The following MYO16 variants were observed in gnomAD, a reference collection of about 807,000 sequenced individuals.
MYO16 encodes unconventional myosin-XVI.
A neutral mutation model predicts 205.3 loss-of-function variants in MYO16; 94 were observed. That is an observed-to-expected ratio of 0.46 (90% CI 0.39 to 0.54). The LOEUF is 0.54. MYO16 is among the 20% of genes least tolerant of loss of function. The pLI, the probability that MYO16 is intolerant of heterozygous loss-of-function variation, is 0.00. For synonymous variants in MYO16, 988 were observed against 954.0 expected (o/e 1.04, Z -0.66); for missense variants, 2,315 against 2,387.5 (o/e 0.97, Z 0.63).
chr13:108,571,900 C>T, the MYO16 span, among the ~76,000 whole-genome samples: 28 of 150,840 alleles, frequency 1.9e-4, 3 homozygotes, highest in South Asian at 4.4e-3. Context: ...CATCAAGTTT[C>T]GTTGTTGTTT....
chr13:108,787,012 C>T (rs1886477772), intron 5 of MYO16, among the ~76,000 whole-genome samples: 1 of 152,194 alleles, frequency 6.6e-6, no homozygotes, highest in Non-Finnish European at 1.5e-5. Context: ...TGGATCCTTG[C>T]CAGACTTCGC....
Position 108,914,683 on chromosome 13 carries a change from C to T in MYO16, c.1925+4533C>T, listed in dbSNP as rs112510407. Among the ~76,000 whole-genome samples the T allele has an allele frequency of 8.6e-3, 1,305 of 152,242 alleles. 16 individuals carry two copies. The highest frequency in any genetic ancestry group is 0.03 in the African/African-American group (1,236 of 41,536). On this transcript the variant is annotated intron_variant, in intron 16 of 34. Coordinates refer to ENST00000457511, the MANE Select transcript of MYO16 (RefSeq NM_001198950.3). The stretch of plus-strand genomic sequence containing the variant: ...TTTTTTTCTTTTATTTGCTCTGTCG[C>T]CCAGGCTGGAGTGCAGTGGTGCTAT...
chr13:108,969,364 C>CA (rs1883919977), intron 20 of MYO16, among the ~76,000 whole-genome samples: 1 of 152,178 alleles, frequency 6.6e-6, no homozygotes, highest in South Asian at 2.1e-4. Context: ...ACCCAATGAC[C>CA]ACCGAAGGTA....
At chr13:108,986,713 T>G (rs1884650384) in intron 20 of MYO16, among the ~76,000 whole-genome samples, 1 of 152,036 alleles carries the variant, frequency 6.6e-6, no homozygotes, top group Non-Finnish European at 1.5e-5. Context: ...ATTGATCTGT[T>G]ATTATGTATA....
At chr13:108,523,425 G>T in the MYO16 span, among the ~76,000 whole-genome samples, 1 of 152,170 alleles carries the variant, frequency 6.6e-6, no homozygotes, top group Non-Finnish European at 1.5e-5. Flanking sequence ...CTCCCATGAC[G>T]TTTCTGGCAG....
intron 7 of MYO16, among the ~76,000 whole-genome samples, chr13:108,817,755 C>T (rs74119770): frequency 0.015 from 2,315 of 152,240 alleles, 53 homozygotes; most frequent in African/African-American, 0.053. Context: ...ATTTGACTTC[C>T]GTTGTTTTGA....
Position 108,855,566 on chromosome 13 carries a change from G to A in MYO16, c.1359+13G>A. 2.0e-6 allele frequency: 3 copies of A among 1,508,268 alleles called. No individual in the cohort carries two copies. The highest frequency in any genetic ancestry group is 2.7e-6 in the Non-Finnish European group (3 of 1,098,660). The allele number at this position is 1,508,268 out of a possible 1,614,324, so 93.4% of individuals were successfully genotyped here. ...CAATCAGATCTATGTGAGTGCCCTG[G>A]AAATTGCCTTTTGCACTGTTTTTCT... On this transcript the variant is annotated intron_variant, in intron 11 of 34. Transcript: ENST00000457511.
intron 9 of MYO16, among the ~76,000 whole-genome samples, chr13:108,842,090 C>G (rs1254133830): frequency 6.6e-6 from 1 of 151,960 alleles, no homozygotes; most frequent in African/African-American, 2.4e-5. Context: ...GGATGAAAGA[C>G]TTAAATATAA....
the MYO16 span, among the ~76,000 whole-genome samples, chr13:108,544,584 A>G: frequency 3.9e-5 from 6 of 152,226 alleles, no homozygotes; most frequent in Non-Finnish European, 7.3e-5. Flanking sequence ...AAAAGGTTAT[A>G]TAGTTATACC....
chr13:108,519,649 C>CACACACACACACACA, the MYO16 span, among the ~76,000 whole-genome samples: 538 of 118,566 alleles, frequency 4.5e-3, 2 homozygotes, highest in African/African-American at 0.014. Context: ...ACACACACAC[C>CACACACACACACACA]CACACACACA....
At chr13:108,523,241 A>C in the MYO16 span, among the ~76,000 whole-genome samples, 1 of 152,306 alleles carries the variant, frequency 6.6e-6, no homozygotes, top group Non-Finnish European at 1.5e-5. Context: ...GTGAGCAAGA[A>C]GCTCAACTCC....
rs371296553 is a variant in MYO16 at position 108,982,378 on chromosome 13, A to G, written c.2370-9998A>G. On this transcript the variant is annotated intron_variant, in intron 20 of 34. Transcript: ENST00000457511. The stretch of plus-strand genomic sequence containing the variant: ...ACATACACTTTATTTTTACTTTAAC[A>G]TACAACTTATTTTTTAAAAAACCCA... Among the ~76,000 whole-genome samples, 20 of 152,346 alleles carry G rather than the reference A, an allele frequency of 1.3e-4. No homozygotes were observed. In the East Asian group the frequency reaches 3.3e-3, roughly 25 times the overall value.
chr13:108,695,126 A>G (rs114082915), intron 2 of MYO16, among the ~76,000 whole-genome samples: 4,036 of 152,250 alleles, frequency 0.027, 175 homozygotes, highest in African/African-American at 0.092. Context: ...AAACAAACAA[A>G]CTAAAAACAG....
At chr13:108,713,185 T>C (rs1241461248) in intron 3 of MYO16, among the ~76,000 whole-genome samples, 1 of 152,118 alleles carries the variant, frequency 6.6e-6, no homozygotes, top group Non-Finnish European at 1.5e-5. Flanking sequence ...AAATATTATA[T>C]TATAAATAAC....
chr13:108,786,499 G>T (rs1297540367), intron 5 of MYO16, among the ~76,000 whole-genome samples: 1 of 152,136 alleles, frequency 6.6e-6, no homozygotes, highest in Non-Finnish European at 1.5e-5. Flanking sequence ...CTTGGCCAGA[G>T]AAAAGTTTAC....
At chr13:108,845,585 A>G (rs897302471) in intron 10 of MYO16, among the ~76,000 whole-genome samples, 1 of 152,164 alleles carries the variant, frequency 6.6e-6, no homozygotes, top group Non-Finnish European at 1.5e-5. Context: ...CATTTAACCT[A>G]AATCACTTCC....
At chr13:109,068,624 C>G (rs1887828709) in intron 27 of MYO16, among the ~76,000 whole-genome samples, 1 of 139,818 alleles carries the variant, frequency 7.2e-6, no homozygotes, top group South Asian at 2.2e-4. Context: ...GAGTTTCGCT[C>G]TTTCTTGCCC....
intron 1 of MYO16, among the ~76,000 whole-genome samples, chr13:108,622,677 G>T (rs530754716): frequency 6.6e-5 from 10 of 151,346 alleles, no homozygotes; most frequent in African/African-American, 1.9e-4. Flanking sequence ...GGAAAAGAGA[G>T]GGATGGTGGG....
In MYO16 at chr13:109,162,172, C is replaced by G. The variant is rs182483818; in HGVS notation, c.5165-2729C>G. ...TAGAAATACGTTTAAACTTTAATTG[C>G]AAAAATGAGAATTTTGGCTGCAATT... On this transcript the variant is annotated intron_variant, in intron 32 of 34. Transcript: ENST00000457511. The surrounding 1 kb of genome is among the most constrained non-coding windows in gnomAD (Gnocchi z 4.6). Among the ~76,000 whole-genome samples the G allele has an allele frequency of 6.6e-6, 1 of 152,264 alleles. No homozygotes were observed. The highest frequency in any genetic ancestry group is 1.9e-4 in the East Asian group (1 of 5,178).
Sources: allele counts gnomAD v4.1 joint callset (sites outside exome capture counted in the v4.1 genomes callset), GRCh38; gene constraint gnomAD v4.1.1; non-coding constraint Gnocchi (gnomAD v3.1); transcripts MANE v1.5; gene names NCBI Gene and HGNC (gene_info 2026-07-23, HGNC 2026-07-21).